Variants in LRP1B observed in about 807,000 individuals in gnomAD.
The protein encoded by LRP1B is low-density lipoprotein receptor-related protein 1B.
Under a neutral mutation model 556.6 loss-of-function variants are expected in LRP1B, and 217 were observed. The ratio of observed to expected loss-of-function variants is 0.39; its 90% CI spans 0.35 to 0.44. LRP1B has a LOEUF of 0.44. Among genes scored for constraint, LRP1B ranks in the 20% least tolerant of loss-of-function variants. LRP1B has a pLI of 1.00. For missense variants in LRP1B, 5,053 were observed against 5,620.8 expected, an observed-to-expected ratio of 0.90 and a Z score of 3.23; for synonymous variants, 2,047 against 1,865.8, an observed-to-expected ratio of 1.10 and a Z score of -2.50.
chr2:140,872,044 C>G (rs1181828310), intron 25 of LRP1B, among the ~76,000 whole-genome samples: 1 of 99,144 alleles, frequency 1.0e-5, no homozygotes, highest in African/African-American at 3.3e-5. Flanking sequence ...ATTTAAAAGT[C>G]CTTCATGTTT....
chr2:140,483,624 ATATATATATATATATATTT>A (rs1435747331), intron 59 of LRP1B, among the ~76,000 whole-genome samples: 2 of 42,906 alleles, frequency 4.7e-5, no homozygotes, highest in African/African-American at 7.0e-5. Context: ...ACATATATAT[ATATATATATATATATATTT>A]TTTTTTTTTT....
intron 3 of LRP1B, among the ~76,000 whole-genome samples, chr2:141,266,403 T>C (rs569087135): frequency 6.6e-6 from 1 of 152,072 alleles, no homozygotes; most frequent in African/African-American, 2.4e-5. Context: ...GTCTGGAAAT[T>C]TCAATTTACT....
In LRP1B at chr2:141,484,055, C is replaced by T. The variant is rs558089107; in HGVS notation, c.206-3522G>A. 3.2e-3 allele frequency among the ~76,000 whole-genome samples: 493 copies of T among 152,172 alleles called. 3 individuals are homozygous for T. Among genetic ancestry groups the T allele is most frequent in the African/African-American group, 0.011 (442 of 41,522 alleles). On this transcript the variant is annotated intron_variant, in intron 2 of 90. Transcript: ENST00000389484. ...TCCTTGCCCATGTCTATGTCCTGAA[C>T]GGTATTGCCTAGGTTTTCTTCTAGG...
chr2:142,025,105 T>C (rs1703462283), intron 1 of LRP1B, among the ~76,000 whole-genome samples: 1 of 152,146 alleles, frequency 6.6e-6, no homozygotes. Context: ...ATTTTTCTTA[T>C]TTGCATTACT....
intron 2 of LRP1B, among the ~76,000 whole-genome samples, chr2:141,509,933 A>G (rs1321555251): frequency 6.6e-6 from 1 of 150,662 alleles, no homozygotes; most frequent in Non-Finnish European, 1.5e-5. Context: ...AATAAATGGT[A>G]TAACTTAGGA....
chr2:141,357,304 T>C (rs1179646488), intron 3 of LRP1B, among the ~76,000 whole-genome samples: 1 of 152,120 alleles, frequency 6.6e-6, no homozygotes, highest in Non-Finnish European at 1.5e-5. Flanking sequence ...TCCACCTGCC[T>C]CCGCTTCCAA....
At chr2:140,346,958 C>A (rs552047166) in intron 77 of LRP1B, among the ~76,000 whole-genome samples, 1 of 151,982 alleles carries the variant, frequency 6.6e-6, no homozygotes, top group African/African-American at 2.4e-5. Context: ...AAAATGATAT[C>A]TCATATTTAC....
At chr2:141,298,269 G>T (rs2105423952) in intron 3 of LRP1B, among the ~76,000 whole-genome samples, 1 of 152,218 alleles carries the variant, frequency 6.6e-6, no homozygotes, top group East Asian at 1.9e-4. Context: ...TTTTGCCCTT[G>T]CCCATGGCTT....
At chr2:141,864,563 GAAA>G (rs11320074) in intron 1 of LRP1B, among the ~76,000 whole-genome samples, 1 of 144,042 alleles carries the variant, frequency 6.9e-6, no homozygotes, top group Admixed American at 6.8e-5. Context: ...AATCTTGAGG[GAAA>G]AAAAAAAAAA....
At chr2:141,753,725 CT>C (rs1345219623) in intron 2 of LRP1B, among the ~76,000 whole-genome samples, 1 of 152,144 alleles carries the variant, frequency 6.6e-6, no homozygotes, top group African/African-American at 2.4e-5. Context: ...TTCGACAGCA[CT>C]GCATAGGATA....
chr2:141,682,680 A>G (rs1461663835), intron 2 of LRP1B, among the ~76,000 whole-genome samples: 3 of 152,104 alleles, frequency 2.0e-5, no homozygotes, highest in Non-Finnish European at 4.4e-5. Context: ...CTACTTAGGC[A>G]TTTGGGGATA....
At position 141,517,259 on chromosome 2, in the gene LRP1B, T is replaced by TACACACACACACACACACACACATAC. The variant is rs71281835; in HGVS notation, c.206-36727_206-36726insGTATGTGTGTGTGTGTGTGTGTGTGT. 1.1e-3 allele frequency among the ~76,000 whole-genome samples: 162 copies of TACACACACACACACACACACACATAC among 141,414 alleles called. 1 individual carries two copies. Among genetic ancestry groups the TACACACACACACACACACACACATAC allele is most frequent in the African/African-American group, 2.7e-3 (103 of 38,460 alleles). 92.8% of individuals were successfully genotyped at this position (141,414 alleles called of 152,430 possible). A position where few individuals can be genotyped will look rare whatever the true frequency, so the allele number is the denominator to read the frequency against. Reference sequence around the variant, plus strand: ...TGACCATGTCTTAGAAGGACAAGAATACGCACACACACAGACACACACACA... The same window carrying TACACACACACACACACACACACATAC: ...TGACCATGTCTTAGAAGGACAAGAATACACACACACACACACACACACATACACGCACACACACAGACACACACACA... On this transcript the variant is annotated intron_variant, in intron 2 of 90. Coordinates refer to ENST00000389484, the MANE Select transcript of LRP1B (RefSeq NM_018557.3).
intron 6 of LRP1B, among the ~76,000 whole-genome samples, chr2:141,224,284 C>T (rs1412869827): frequency 3.3e-5 from 5 of 152,108 alleles, no homozygotes; most frequent in Admixed American, 2.0e-4. Flanking sequence ...AAATCAAAAC[C>T]GTGATGAGAT....
At chr2:140,503,345 T>G (rs1689277107) in intron 53 of LRP1B, among the ~76,000 whole-genome samples, 1 of 152,140 alleles carries the variant, frequency 6.6e-6, no homozygotes, top group East Asian at 1.9e-4. Flanking sequence ...GGTGAAGAAA[T>G]AAGAAAGTGA....
chr2:142,097,680 C>T (rs1433780514), intron 1 of LRP1B, among the ~76,000 whole-genome samples: 1 of 151,500 alleles, frequency 6.6e-6, no homozygotes, highest in South Asian at 2.1e-4. Context: ...AAAAAATATG[C>T]TACCACAAAA....
chr2:140,958,817 A>G (rs1451206031), intron 18 of LRP1B, among the ~76,000 whole-genome samples: 1 of 151,550 alleles, frequency 6.6e-6, no homozygotes, highest in Non-Finnish European at 1.5e-5. Flanking sequence ...AAATTTACCC[A>G]CCACCCCCAC....
chr2:141,330,247 A>G (rs925622904), intron 3 of LRP1B, among the ~76,000 whole-genome samples: 5 of 152,322 alleles, frequency 3.3e-5, no homozygotes, highest in South Asian at 2.1e-4. Flanking sequence ...TATATGTCCC[A>G]ATTACATTTT....
At chr2:141,895,635 G>C (rs1227925718) in intron 1 of LRP1B, among the ~76,000 whole-genome samples, 2 of 152,080 alleles carry the variant, frequency 1.3e-5, no homozygotes, top group African/African-American at 4.8e-5. Context: ...ATTTTACTTT[G>C]AGGAAAATAC....
At chr2:141,485,145 T>C (rs899622097) in intron 2 of LRP1B, among the ~76,000 whole-genome samples, 6 of 152,130 alleles carry the variant, frequency 3.9e-5, no homozygotes, top group African/African-American at 9.7e-5. Flanking sequence ...GAGAAATTAG[T>C]CTGGGAGAAC....
Sources: allele counts gnomAD v4.1 joint callset (sites outside exome capture counted in the v4.1 genomes callset), GRCh38; gene constraint gnomAD v4.1.1; transcripts MANE v1.5; gene names NCBI Gene and HGNC (gene_info 2026-07-23, HGNC 2026-07-21).